The following LRIT3 variants were observed in gnomAD, a reference collection of about 807,000 sequenced individuals.
The protein encoded by LRIT3 is leucine rich repeat, Ig-like and transmembrane domains 3.
In LRIT3, 14 loss-of-function variants were observed where a neutral mutation model predicts 22.6. The observed-to-expected ratio is 0.62, with a 90% CI of 0.41 to 0.97. The LOEUF (loss-of-function observed/expected upper bound fraction) is 0.97, where lower values mean the gene tolerates loss of function less well. Ranked by LOEUF, LRIT3 falls within the 50% of genes least tolerant of loss-of-function variation. The probability of loss-of-function intolerance (pLI) is 0.00; values close to 1 mark genes in which losing one functional copy is unlikely to be tolerated. For missense variants in LRIT3, 783 were observed against 803.0 expected (o/e 0.98, Z 0.30); for synonymous variants, 306 against 304.5 (o/e 1.01, Z -0.05).
Position 109,865,008 on chromosome 4 carries a change from G to A in LRIT3, c.590-2633G>A, listed in dbSNP as rs1579379822. On this transcript the variant is annotated intron_variant, in intron 2 of 3. Transcript: ENST00000594814. ...TAGAGATAAAAATGTTACAAATTAG[G>A]CATTCTATCATATTCTTCTGCTTTT... 3.4e-5 allele frequency: 43 copies of A among 1,252,224 alleles called. No homozygotes were observed. The East Asian group carries it at 1.2e-3, about 35-fold the overall frequency. 77.6% of individuals were successfully genotyped at this position (1,252,224 alleles called of 1,614,324 possible).
rs775758327 is a variant in LRIT3, at chr4:109,870,093, G to A, written c.1344G>A (p.Gly448=). The A allele has an allele frequency of 1.2e-6, 2 of 1,614,014 alleles. No individual in the cohort carries two copies. The highest frequency in any genetic ancestry group is 4.5e-5 in the East Asian group (2 of 44,902). ...NKRSFQLHQG[G]KRNLKVAKNG... ...GATCATTCCAGCTCCACCAAGGTGG[G>A]AAAAGAAATTTAAAGGTGGCAAAGA... The change falls in exon 4 of 4, where the codon GGG becomes GGA. Residue 448 remains glycine (G), a synonymous_variant. Transcript: ENST00000594814.
intron 1 of LRIT3, among the ~76,000 whole-genome samples, chr4:109,850,422 C>CCTTCCTTCTTTCTTTCTTTCTTCCTTT (rs66553123): frequency 5.4e-5 from 3 of 55,088 alleles, no homozygotes; most frequent in Admixed American, 1.9e-4. Context: ...TTCCTTCCTT[C>CCTTCCTTCTTTCTTTCTTTCTTCCTTT]CTTTCTTTCT....
At chr4:109,850,412 T>TTCCC (rs1734198556) in intron 1 of LRIT3, among the ~76,000 whole-genome samples, 2 of 15,988 alleles carry the variant, frequency 1.3e-4, no homozygotes, top group Non-Finnish European at 2.2e-4. Context: ...CCTTCCTTCC[T>TTCCC]TCCTTCCTTC....
Position 109,869,748 on chromosome 4 carries a change from G to C in LRIT3, c.999G>C (p.Leu333=). The part of the protein sequence containing the change: ...AGDYKCKAKN[L]AGMSEAVVTV... ...ATTACAAATGTAAGGCCAAAAATCT[G>C]GCTGGGATGTCAGAAGCTGTGGTTA... Residue 333 remains leucine (L), a synonymous_variant, in exon 4 of 4, where the codon CTG becomes CTC. Transcript: ENST00000594814. The C allele has an allele frequency of 6.2e-7, 1 of 1,613,598 alleles. No individual in the cohort carries two copies. Among genetic ancestry groups the C allele is most frequent in the South Asian group, 1.1e-5 (1 of 91,020 alleles).
intron 1 of LRIT3, among the ~76,000 whole-genome samples, chr4:109,850,414 C>CTTTCTTTCTTTCTTT (rs1560588921): frequency 0.039 from 461 of 11,732 alleles, 49 homozygotes; most frequent in Admixed American, 0.051. Flanking sequence ...TTCCTTCCTT[C>CTTTCTTTCTTTCTTT]CTTCCTTCCT....
intron 2 of LRIT3, among the ~76,000 whole-genome samples, chr4:109,855,411 C>G (rs1734375740): frequency 6.6e-6 from 1 of 152,052 alleles, no homozygotes; most frequent in Non-Finnish European, 1.5e-5. Context: ...TTTATTGAGT[C>G]TATTTGATTC....
At chr4:109,852,522 T>C (rs754184482) in intron 2 of LRIT3, among the ~76,000 whole-genome samples, 6 of 152,220 alleles carry the variant, frequency 3.9e-5, no homozygotes, top group Admixed American at 6.5e-5. Context: ...ACTGATTTGG[T>C]CTCTTAGTTT....
chr4:109,848,998 C>G (rs919283687), intron 1 of LRIT3, among the ~76,000 whole-genome samples: 1 of 152,082 alleles, frequency 6.6e-6, no homozygotes, highest in African/African-American at 2.4e-5. Context: ...AAACAGAACT[C>G]TTGCTAGCTA....
At chr4:109,863,710 A>G (rs1160107261) in intron 2 of LRIT3, among the ~76,000 whole-genome samples, 3 of 152,214 alleles carry the variant, frequency 2.0e-5, no homozygotes, top group Non-Finnish European at 4.4e-5. Context: ...AACCCTGAGC[A>G]GGAGTCTTGT....
chr4:109,870,853 G>A lies in LRIT3; in HGVS notation c.*64G>A. 2 of 1,485,694 alleles carry A rather than the reference G, an allele frequency of 1.3e-6. No homozygotes were observed. Among genetic ancestry groups the A allele is most frequent in the Non-Finnish European group, 1.8e-6 (2 of 1,111,918 alleles). The allele number at this position is 1,485,694 out of a possible 1,614,324, so 92.0% of individuals were successfully genotyped here. ...CATCTAAGGGTATAATTGACCCTAG[G>A]TTTGGATGACTTTTGGACAGACTTT... On this transcript the variant is annotated 3_prime_UTR_variant, in exon 4 of 4. Coordinates refer to ENST00000594814, the MANE Select transcript of LRIT3 (RefSeq NM_198506.5).
chr4:109,863,236 G>A (rs1331140104), intron 2 of LRIT3, among the ~76,000 whole-genome samples: 2 of 152,052 alleles, frequency 1.3e-5, no homozygotes, highest in African/African-American at 2.4e-5. Context: ...ATAACATGGC[G>A]GTTAAGAGCT....
At position 109,848,149 on chromosome 4, in the gene LRIT3, A is replaced by G. The variant is rs1734117713; in HGVS notation, c.-53A>G. 3.1e-6 allele frequency: 3 copies of G among 963,724 alleles called. No homozygotes were observed. The highest frequency in any genetic ancestry group is 3.7e-4 in the Middle Eastern group (1 of 2,716). 59.7% of individuals were successfully genotyped at this position (963,724 alleles called of 1,614,324 possible). A position where few individuals can be genotyped will look rare whatever the true frequency, so the allele number is the denominator to read the frequency against. On this transcript the variant is annotated 5_prime_UTR_variant, in exon 1 of 4. Coordinates refer to ENST00000594814, the MANE Select transcript of LRIT3 (RefSeq NM_198506.5). ...TGTATTCCAGGCATACCAGGTTCTGAATGCTTAGGATTCGGTTTTTACCTT... is the reference window on the plus strand; with the variant it reads ...TGTATTCCAGGCATACCAGGTTCTGGATGCTTAGGATTCGGTTTTTACCTT...
At chr4:109,869,586 G>T in intron 3 of LRIT3, 59 bp from the exon 4 acceptor site, 1 of 1,477,128 alleles carries the variant, frequency 6.8e-7, no homozygotes, top group Non-Finnish European at 9.1e-7. Flanking sequence ...TCCTCAGTTG[G>T]CATGGTGGCT....
chr4:109,851,918 T>C lies in LRIT3; in HGVS notation c.531T>C (p.Thr177=). The C allele has an allele frequency of 6.4e-7, 1 of 1,551,582 alleles. No homozygotes were observed. The highest frequency in any genetic ancestry group is 8.7e-7 in the Non-Finnish European group (1 of 1,146,936). ...CACCAGATTTCCTGGAGAGCTGGAC[T>C]CATTTAGTTTCAACACCTTCTGGAG... ...TLPPDFLESW[T]HLVSTPSGVL... The change falls in exon 2 of 4, where the codon ACT becomes ACC. Residue 177 remains threonine, a synonymous_variant. Coordinates refer to ENST00000594814, the MANE Select transcript of LRIT3 (RefSeq NM_198506.5).
At chr4:109,867,537 CTG>C in intron 2 of LRIT3, 102 bp from the exon 3 acceptor site, 1 of 1,073,702 alleles carries the variant, frequency 9.3e-7, no homozygotes, top group Non-Finnish European at 1.4e-6. Flanking sequence ...CAAAGCACTT[CTG>C]TTTATAGGGA....
chr4:109,852,039 T>A (rs1734287765), intron 2 of LRIT3, 63 bp downstream of exon 2: 1 of 1,405,072 alleles, frequency 7.1e-7, no homozygotes, highest in Non-Finnish European at 9.5e-7. Flanking sequence ...GCTTTTTTTG[T>A]CCAGTCTTTT....
Position 109,851,960 on chromosome 4 carries a change from A to G in LRIT3, c.573A>G (p.Pro191=), listed in dbSNP as rs917386570. The change falls in exon 2 of 4, where the codon CCA becomes CCG. Residue 191 remains proline, a synonymous_variant. Coordinates refer to ENST00000594814, the MANE Select transcript of LRIT3 (RefSeq NM_198506.5). ...CTTCTGGAGTCCTGGACCTTTCCCC[A>G]AGCAGGATTATTCTTGGTAAGCTCG... ...STPSGVLDLS[P]SRIILGLQDN... 98 of 1,546,734 alleles carry G rather than the reference A, an allele frequency of 6.3e-5. No individual in the cohort carries two copies. Among genetic ancestry groups the G allele is most frequent in the Non-Finnish European group, 8.1e-5 (93 of 1,145,110 alleles).
chr4:109,868,355 G>C (rs1347383789), intron 3 of LRIT3, among the ~76,000 whole-genome samples: 2 of 152,224 alleles, frequency 1.3e-5, no homozygotes, highest in Non-Finnish European at 2.9e-5. Context: ...TGGATCACCT[G>C]AGGTCAGGAG....
chr4:109,871,285 G>C lies in LRIT3; in HGVS notation c.*496G>C, dbSNP rs1332532043. 2 of 152,480 alleles carry C rather than the reference G, an allele frequency of 1.3e-5. No homozygotes were observed. Among genetic ancestry groups the C allele is most frequent in the Non-Finnish European group, 2.9e-5 (2 of 68,246 alleles). The allele number at this position is 152,480 out of a possible 1,614,324, so 9.4% of individuals were successfully genotyped here. On this transcript the variant is annotated 3_prime_UTR_variant, in exon 4 of 4. Coordinates refer to ENST00000594814, the MANE Select transcript of LRIT3 (RefSeq NM_198506.5). ...CTAAGGTTAAATCTAACTCACGGGA[G>C]AGAGAGGGCTCTGTCTCTTGGTACC...
Sources: gnomAD v4.1 joint callset for allele counts (sites outside exome capture counted in the v4.1 genomes callset) on GRCh38, gnomAD v4.1.1 for gene constraint, MANE v1.5 for transcripts, NCBI Gene and HGNC (gene_info 2026-07-23, HGNC 2026-07-21) for gene names.